The following KIAA0753 variants were observed in gnomAD, a reference collection of about 807,000 sequenced individuals.
KIAA0753 encodes the protein KIAA0753.
KIAA0753 carries 114 observed loss-of-function variants against 116.9 expected under a neutral mutation model. The observed-to-expected ratio is 0.98, with a 90% CI of 0.84 to 1.14. KIAA0753 has a LOEUF of 1.14. KIAA0753 is among the 50% of genes most tolerant of loss of function. The pLI, the probability that KIAA0753 is intolerant of heterozygous loss-of-function variation, is 0.00. For synonymous variants in KIAA0753, 405 were observed against 413.1 expected (o/e 0.98, Z 0.24); for missense variants, 1,156 against 1,172.4 (o/e 0.99, Z 0.20).
chr17:6,603,631 G>A (rs913857922), intron 12 of KIAA0753, among the ~76,000 whole-genome samples: 2 of 152,124 alleles, frequency 1.3e-5, no homozygotes. Context: ...ATCACCTAGG[G>A]ACACTGGGAC....
intron 5 of KIAA0753, 22 bp from the exon 6 acceptor site, chr17:6,623,119 G>A: frequency 6.3e-7 from 1 of 1,592,104 alleles, no homozygotes; most frequent in South Asian, 1.1e-5. Context: ...CAAGATGAGA[G>A]AAGTTATTTC....
intron 12 of KIAA0753, among the ~76,000 whole-genome samples, chr17:6,602,894 T>C (rs761788817): frequency 1.5e-4 from 23 of 152,012 alleles, no homozygotes; most frequent in Non-Finnish European, 2.6e-4. Context: ...CCAAGATTAC[T>C]AGGTATCTGA....
intron 7 of KIAA0753, among the ~76,000 whole-genome samples, chr17:6,620,193 A>T (rs1971205786): frequency 6.6e-6 from 1 of 152,240 alleles, no homozygotes; most frequent in African/African-American, 2.4e-5. Context: ...ACAGAAAACA[A>T]GAAGATGCCA....
At chr17:6,588,008 TC>T (rs1296702576) in intron 18 of KIAA0753, among the ~76,000 whole-genome samples, 2 of 151,988 alleles carry the variant, frequency 1.3e-5, no homozygotes, top group African/African-American at 4.8e-5. Context: ...CTATAAAACA[TC>T]GTGAAGGCTC....
chr17:6,628,846 GT>G, intron 2 of KIAA0753, 105 bp from the exon 3 acceptor site: 4 of 1,087,950 alleles, frequency 3.7e-6, no homozygotes, highest in Non-Finnish European at 5.2e-6. Flanking sequence ...CAGATCATTA[GT>G]GCTAAGAGGC....
chr17:6,619,362 T>C (rs1971147414), intron 7 of KIAA0753, among the ~76,000 whole-genome samples: 1 of 152,196 alleles, frequency 6.6e-6, no homozygotes, highest in African/African-American at 2.4e-5. Context: ...ATACAGATGT[T>C]TTTGTTTTCT....
chr17:6,624,946 A>G, intron 3 of KIAA0753, 85 bp from the exon 4 acceptor site: 1 of 882,210 alleles, frequency 1.1e-6, no homozygotes, highest in Non-Finnish European at 1.8e-6. Flanking sequence ...TACAGAAATA[A>G]TAAAGTTGAA....
Position 6,579,533 on chromosome 17 carries a change from T to C in KIAA0753, c.*214A>G. On this transcript the variant is annotated 3_prime_UTR_variant, in exon 19 of 19. Coordinates refer to ENST00000361413, the MANE Select transcript of KIAA0753 (RefSeq NM_014804.3). The stretch of plus-strand genomic sequence containing the variant: ...GTTGTGTTGCCTGGGCACTGATAAG[T>C]GTGATACATTGCATCATACATTTCC... 1 of 541,846 alleles carries C rather than the reference T, an allele frequency of 1.8e-6. No individual in the cohort carries two copies. The highest frequency in any genetic ancestry group is 3.3e-6 in the Non-Finnish European group (1 of 300,046). The allele number at this position is 541,846 out of a possible 1,614,324, so 33.6% of individuals were successfully genotyped here. A position where few individuals can be genotyped will look rare whatever the true frequency, so the allele number is the denominator to read the frequency against.
At chr17:6,583,021 C>T (rs1042187554) in intron 18 of KIAA0753, among the ~76,000 whole-genome samples, 3 of 152,206 alleles carry the variant, frequency 2.0e-5, no homozygotes, top group Non-Finnish European at 4.4e-5. Context: ...TTTTAAAATT[C>T]ATGCCTCCCT....
At chr17:6,614,815 T>C (rs1196828765) in intron 7 of KIAA0753, among the ~76,000 whole-genome samples, 1 of 152,222 alleles carries the variant, frequency 6.6e-6, no homozygotes, top group Non-Finnish European at 1.5e-5. Flanking sequence ...TATTTTATTT[T>C]TGAGACGGAG....
At chr17:6,602,363 C>G (rs185078037) in intron 12 of KIAA0753, among the ~76,000 whole-genome samples, 2 of 152,258 alleles carry the variant, frequency 1.3e-5, no homozygotes, top group East Asian at 3.9e-4. Context: ...ATGGGAAAGC[C>G]CAAATGTCAA....
At chr17:6,636,555 T>C in intron 1 of KIAA0753, 1 of 152,260 alleles carries the variant, frequency 6.6e-6, no homozygotes, top group Non-Finnish European at 1.5e-5. Context: ...CCCTAAACTG[T>C]CCCCCTGTAC....
chr17:6,620,957 C>CT lies in KIAA0753; in HGVS notation c.1145dup (p.Val383GlyfsTer7). 6.2e-7 allele frequency: 1 copy of CT among 1,613,730 alleles called. No individual in the cohort carries two copies. Among genetic ancestry groups the CT allele is most frequent in the Non-Finnish European group, 8.5e-7 (1 of 1,179,880 alleles). On this transcript the variant is annotated frameshift_variant, in exon 7 of 19. Coordinates refer to ENST00000361413, the MANE Select transcript of KIAA0753 (RefSeq NM_014804.3). LOFTEE classifies it high-confidence loss of function. ...GAATTTCACTGAAACATTTTTTCACCTTTTTTGGTGACAGTTTCTTTTCCA... is the reference window on the plus strand; with the variant it reads ...GAATTTCACTGAAACATTTTTTCACCTTTTTTTGGTGACAGTTTCTTTTCCA...
chr17:6,618,130 C>T (rs559036573), intron 7 of KIAA0753, among the ~76,000 whole-genome samples: 44 of 151,998 alleles, frequency 2.9e-4, no homozygotes, highest in Non-Finnish European at 5.7e-4. Flanking sequence ...AAAAAAAAAT[C>T]CCACAACTAC....
At chr17:6,636,001 T>C (rs934497793) in intron 1 of KIAA0753, 17 of 152,220 alleles carry the variant, frequency 1.1e-4, no homozygotes, top group Admixed American at 1.0e-3. Context: ...GCTCTGAGCA[T>C]AGTACACAAT....
chr17:6,634,125 T>C (rs1337399522), intron 2 of KIAA0753, among the ~76,000 whole-genome samples: 1 of 147,936 alleles, frequency 6.8e-6, no homozygotes, highest in African/African-American at 2.5e-5. Context: ...TTTTTTGAGA[T>C]GGAGTCTCGC....
At chr17:6,616,059 C>T (rs1054154246) in intron 7 of KIAA0753, among the ~76,000 whole-genome samples, 10 of 152,128 alleles carry the variant, frequency 6.6e-5, no homozygotes, top group African/African-American at 2.2e-4. Flanking sequence ...AGAGTGATAC[C>T]TAAAACAGAA....
At chr17:6,623,287 A>C (rs1339307150) in intron 5 of KIAA0753, among the ~76,000 whole-genome samples, 190 bp from the exon 6 acceptor site, 1 of 152,178 alleles carries the variant, frequency 6.6e-6, no homozygotes, top group Non-Finnish European at 1.5e-5. Context: ...TACTACTTCC[A>C]ATTTTTTATA....
At chr17:6,629,501 T>G (rs896546725) in intron 2 of KIAA0753, among the ~76,000 whole-genome samples, 1 of 152,212 alleles carries the variant, frequency 6.6e-6, no homozygotes, top group African/African-American at 2.4e-5. Context: ...ATGCATTTAG[T>G]TTTTTAACCT....
Sources: allele counts gnomAD v4.1 joint callset (sites outside exome capture counted in the v4.1 genomes callset), GRCh38; gene constraint gnomAD v4.1.1; transcripts MANE v1.5; gene names NCBI Gene and HGNC (gene_info 2026-07-23, HGNC 2026-07-21).